The following SNX30 variants were observed in gnomAD, a reference collection of about 807,000 sequenced individuals.
The protein encoded by SNX30 is sorting nexin family member 30, also known as sorting nexin-30.
SNX30 carries 24 observed loss-of-function variants against 46.4 expected under a neutral mutation model. The ratio of observed to expected loss-of-function variants is 0.52; its 90% CI spans 0.37 to 0.73. The LOEUF (loss-of-function observed/expected upper bound fraction) is 0.73. SNX30 is among the 30% of genes least tolerant of loss of function. SNX30 has a pLI of 0.00. For synonymous variants in SNX30, 189 were observed against 211.5 expected, an observed-to-expected ratio of 0.89 and a Z score of 0.92; for missense variants, 533 against 555.7, an observed-to-expected ratio of 0.96 and a Z score of 0.41.
In SNX30 at chr9:112,779,652, G is replaced by A. The variant is rs552349913; in HGVS notation, c.157-25124G>A. On this transcript the variant is annotated intron_variant, in intron 1 of 8. Coordinates refer to ENST00000374232, the MANE Select transcript of SNX30 (RefSeq NM_001012994.2). ...GGAGGTTGCAATGAGCCAAGATCGC[G>A]CCACTGCACCCTAGCCTGGGTGACA... is the stretch of plus-strand genomic sequence containing the variant. Among the ~76,000 whole-genome samples the A allele has an allele frequency of 7.9e-5, 12 of 152,198 alleles. No homozygotes were observed. The South Asian group carries it at 1.5e-3, about 18-fold the overall frequency.
intron 3 of SNX30, among the ~76,000 whole-genome samples, chr9:112,824,929 T>G (rs1840559492): frequency 6.6e-6 from 1 of 152,200 alleles, no homozygotes; most frequent in African/African-American, 2.4e-5. Flanking sequence ...CCATCACCAC[T>G]ATTTAATCCA....
At chr9:112,756,759 C>T (rs1405762795) in intron 1 of SNX30, among the ~76,000 whole-genome samples, 1 of 152,234 alleles carries the variant, frequency 6.6e-6, no homozygotes, top group Non-Finnish European at 1.5e-5. Context: ...CTGCGCTCGG[C>T]TCCTTCACCT....
At chr9:112,859,882 AT>A (rs1288719728) in intron 7 of SNX30, among the ~76,000 whole-genome samples, 1 of 151,628 alleles carries the variant, frequency 6.6e-6, no homozygotes, top group Non-Finnish European at 1.5e-5. Context: ...TGTGGCTTTG[AT>A]TAGCATTTCA....
In SNX30 at chr9:112,750,992, G is replaced by T. The variant is rs1232180667; in HGVS notation, c.-10G>T. ...GAAGCGGCGGCGGCGCGTCCCGAGC[G>T]GTGCGCGCCATGGCGGGCGGGCCCC... On this transcript the variant is annotated 5_prime_UTR_variant, in exon 1 of 9. Coordinates refer to ENST00000374232, the MANE Select transcript of SNX30 (RefSeq NM_001012994.2). 2 of 1,243,630 alleles carry T rather than the reference G, an allele frequency of 1.6e-6. No homozygotes were observed. The highest frequency in any genetic ancestry group is 6.4e-5 in the East Asian group (2 of 31,154). 77.0% of individuals were successfully genotyped at this position (1,243,630 alleles called of 1,614,324 possible).
chr9:112,883,361 G>A (rs1841605263), downstream of SNX30, among the ~76,000 whole-genome samples: 1 of 152,160 alleles, frequency 6.6e-6, no homozygotes, highest in Admixed American at 6.5e-5. Context: ...AATGCATGTA[G>A]TGGATGGGAA....
At chr9:112,843,264 ATGAT>A (rs1840885879) in intron 6 of SNX30, among the ~76,000 whole-genome samples, 1 of 152,218 alleles carries the variant, frequency 6.6e-6, no homozygotes, top group Admixed American at 6.5e-5. Context: ...CAAATATACA[ATGAT>A]TGCACATTGT....
rs377251240 is a variant in SNX30 at position 112,827,054 on chromosome 9, C to T, written c.460-3671C>T. Among the ~76,000 whole-genome samples, 114 of 152,286 alleles carry T rather than the reference C, an allele frequency of 7.5e-4. 1 individual carries two copies. The South Asian group carries it at 0.016, about 22-fold the overall frequency. ...CTCTTCTTTCATTTACAAACCTTTCCACTGTGCCCTTTTTGGAACTCCTGC... is the reference window on the plus strand; with the variant it reads ...CTCTTCTTTCATTTACAAACCTTTCTACTGTGCCCTTTTTGGAACTCCTGC... On this transcript the variant is annotated intron_variant, in intron 3 of 8. Transcript: ENST00000374232.
At chr9:112,868,632 G>A (rs928799148) in intron 8 of SNX30, 152 bp from the exon 9 acceptor site, 28 of 734,336 alleles carry the variant, frequency 3.8e-5, no homozygotes, top group South Asian at 1.8e-4. Flanking sequence ...TTACCTCCCC[G>A]TTTGTAATAG....
intron 6 of SNX30, 49 bp from the exon 7 acceptor site, chr9:112,850,810 C>A: frequency 1.4e-6 from 2 of 1,426,678 alleles, no homozygotes; most frequent in Non-Finnish European, 2.0e-6. Context: ...GGGTGGGAGG[C>A]CCCTTTGTGG....
intron 4 of SNX30, among the ~76,000 whole-genome samples, 154 bp downstream of exon 4, chr9:112,831,037 C>T (rs1433227312): frequency 2.0e-5 from 3 of 151,226 alleles, no homozygotes; most frequent in Non-Finnish European, 4.4e-5. Context: ...ACCTGGGAGG[C>T]TAAGGCAGGA....
In SNX30 at chr9:112,865,659, A is replaced by ATGTG. The variant is rs1473545725; in HGVS notation, c.1254+1261_1254+1262insGTGT. 3.1e-4 allele frequency among the ~76,000 whole-genome samples: 25 copies of ATGTG among 79,676 alleles called. 1 individual carries two copies. The highest frequency in any genetic ancestry group is 1.3e-3 in the African/African-American group (24 of 18,904). 52.3% of individuals were successfully genotyped at this position (79,676 alleles called of 152,430 possible). A position where few individuals can be genotyped will look rare whatever the true frequency, so the allele number is the denominator to read the frequency against. Reference sequence around the variant, plus strand: ...TATATATATATATATATATATATATATATGTATGTATGTATGCACACACAC... The same window carrying ATGTG: ...TATATATATATATATATATATATATATGTGTATGTATGTATGTATGCACACACAC... On this transcript the variant is annotated intron_variant, in intron 8 of 8. Transcript: ENST00000374232.
intron 2 of SNX30, among the ~76,000 whole-genome samples, chr9:112,808,646 A>C (rs767448530): frequency 8.5e-5 from 13 of 152,250 alleles, no homozygotes; most frequent in Non-Finnish European, 1.6e-4. Context: ...AAGCTAAAAC[A>C]CTAAAGAATG....
intron 7 of SNX30, among the ~76,000 whole-genome samples, chr9:112,853,504 T>G (rs1841067862): frequency 6.6e-6 from 1 of 152,252 alleles, no homozygotes; most frequent in Admixed American, 6.5e-5. Context: ...TTGTGTATAT[T>G]TTTAAAGTTT....
Position 112,871,918 on chromosome 9 carries a change from A to G in SNX30, c.*3075A>G, listed in dbSNP as rs1324932. 0.84 allele frequency: 127,222 copies of G among 152,178 alleles called. 53,726 individuals are homozygous for G. The highest frequency in any genetic ancestry group is 0.9 in the Non-Finnish European group (61,379 of 68,028). The allele number at this position is 152,178 out of a possible 1,614,324, so 9.4% of individuals were successfully genotyped here. ...AACATACCACCCAGCCAGGCTTAGC[A>G]TTGGGTTTTATCCTTTAATAAAAGT... is the stretch of plus-strand genomic sequence containing the variant. On this transcript the variant is annotated 3_prime_UTR_variant, in exon 9 of 9. Coordinates refer to ENST00000374232, the MANE Select transcript of SNX30 (RefSeq NM_001012994.2).
intron 7 of SNX30, among the ~76,000 whole-genome samples, chr9:112,857,488 C>T (rs1841153526): frequency 1.3e-5 from 2 of 152,130 alleles, no homozygotes; most frequent in South Asian, 4.1e-4. Flanking sequence ...TCACACATTG[C>T]CAGTTAGGGA....
At chr9:112,764,059 T>A (rs952715760) in intron 1 of SNX30, among the ~76,000 whole-genome samples, 4 of 152,094 alleles carry the variant, frequency 2.6e-5, no homozygotes, top group Non-Finnish European at 4.4e-5. Context: ...TATGTCCATG[T>A]AGATGATGAA....
chr9:112,776,632 A>G (rs1398155106), intron 1 of SNX30, among the ~76,000 whole-genome samples: 4 of 152,140 alleles, frequency 2.6e-5, no homozygotes, highest in African/African-American at 7.2e-5. Context: ...GCTCATGTCT[A>G]TGTGTGTGTA....
chr9:112,784,624 G>A (rs1274412893), intron 1 of SNX30, among the ~76,000 whole-genome samples: 1 of 152,168 alleles, frequency 6.6e-6, no homozygotes, highest in African/African-American at 2.4e-5. Context: ...AGAGTTTATA[G>A]AGGACTTTCT....
intron 4 of SNX30, among the ~76,000 whole-genome samples, chr9:112,832,037 A>C (rs1840666759): frequency 6.6e-6 from 1 of 152,194 alleles, no homozygotes; most frequent in African/African-American, 2.4e-5. Context: ...ATTAGGTGAC[A>C]TTAAAGACTT....
Sources: allele counts gnomAD v4.1 joint callset (sites outside exome capture counted in the v4.1 genomes callset), GRCh38; gene constraint gnomAD v4.1.1; transcripts MANE v1.5; gene names NCBI Gene and HGNC (gene_info 2026-07-23, HGNC 2026-07-21).